MAPT: variants seen among roughly 807,000 people sequenced by gnomAD.
The protein encoded by MAPT is microtubule-associated protein tau.
A neutral mutation model predicts 67.9 loss-of-function variants in MAPT; 34 were observed. That is an observed-to-expected ratio of 0.50 (90% CI 0.38 to 0.67). The LOEUF is 0.67. MAPT is among the 30% of genes least tolerant of loss of function. The pLI is 0.00. For missense variants in MAPT, 881 were observed against 1,115.2 expected, an observed-to-expected ratio of 0.79 and a Z score of 2.99; for synonymous variants, 456 against 464.5, an observed-to-expected ratio of 0.98 and a Z score of 0.23.
chr17:45,943,695 C>A (rs79115768), intron 1 of MAPT, among the ~76,000 whole-genome samples: 1 of 152,082 alleles, frequency 6.6e-6, no homozygotes, highest in East Asian at 1.9e-4. Context: ...GGGTGCATTA[C>A]CCGAAAGCTG....
At chr17:45,941,155 C>T (rs1412262573) in intron 1 of MAPT, among the ~76,000 whole-genome samples, 2 of 152,176 alleles carry the variant, frequency 1.3e-5, no homozygotes, top group Non-Finnish European at 1.5e-5. Context: ...ACAACTCCTA[C>T]CTACGGGAAA....
At chr17:45,907,692 A>G (rs1426077182) in intron 1 of MAPT, 1 of 152,258 alleles carries the variant, frequency 6.6e-6, no homozygotes, top group Non-Finnish European at 1.5e-5. Context: ...GAAACATTCT[A>G]TAATCGTTCC....
At chr17:45,928,314 C>T (rs2066545195) in intron 1 of MAPT, among the ~76,000 whole-genome samples, 1 of 152,130 alleles carries the variant, frequency 6.6e-6, no homozygotes, top group South Asian at 2.1e-4. Flanking sequence ...TTTCCTATCC[C>T]CTCCCTTTCA....
At chr17:45,920,653 G>A (rs2065620630) in intron 1 of MAPT, among the ~76,000 whole-genome samples, 1 of 152,200 alleles carries the variant, frequency 6.6e-6, no homozygotes, top group Non-Finnish European at 1.5e-5. Flanking sequence ...ACTCTGACAA[G>A]GTCTGGGGTG....
chr17:46,007,479 C>T (rs909742458), intron 9 of MAPT, among the ~76,000 whole-genome samples: 5 of 151,842 alleles, frequency 3.3e-5, no homozygotes, highest in African/African-American at 1.2e-4. Context: ...AGAGTGAGAG[C>T]TTGTCTCTAT....
rs62063848 is a variant in MAPT at position 45,995,104 on chromosome 17, T to C, written c.1733-1295T>C. Among the ~76,000 whole-genome samples the C allele has an allele frequency of 0.012, 1,787 of 152,228 alleles. 19 individuals carry two copies. Among genetic ancestry groups the C allele is most frequent in the Non-Finnish European group, 0.018 (1,240 of 68,006 alleles). On this transcript the variant is annotated intron_variant, in intron 8 of 12. Coordinates refer to ENST00000262410, the MANE Select transcript of MAPT (RefSeq NM_001377265.1). This position sits in a 1 kb window ranked among gnomAD's most constrained non-coding sequence, Gnocchi z 4.3. ...ACAAAAGAAAACTAGTGCTTATTCG[T>C]CACTGGCCAAGCTGCCCATTGGCTA...
chr17:46,024,547 G>A lies in MAPT; in HGVS notation c.*376G>A, dbSNP rs919139325. 50 of 361,268 alleles carry A rather than the reference G, an allele frequency of 1.4e-4. No homozygotes were observed. The highest frequency in any genetic ancestry group is 1.0e-3 in the African/African-American group (49 of 47,666). The allele number at this position is 361,268 out of a possible 1,614,324, so 22.4% of individuals were successfully genotyped here. ...AAGCTGCTTCTGGGGGATTTCAAGG[G>A]ACTGGGGGTGCCAACCACCTCTGGC... On this transcript the variant is annotated 3_prime_UTR_variant, in exon 13 of 13. Transcript: ENST00000262410.
chr17:45,929,114 A>C (rs1055497234), intron 1 of MAPT, among the ~76,000 whole-genome samples: 3 of 152,216 alleles, frequency 2.0e-5, no homozygotes, highest in East Asian at 1.9e-4. Flanking sequence ...AATAAACCCC[A>C]AAAAATTAAT....
In MAPT at chr17:46,027,044, TCTC is replaced by T. The variant is rs35654420; in HGVS notation, c.*2876_*2878del. 21,756 of 152,134 alleles carry T rather than the reference TCTC, an allele frequency of 0.14. 2,116 individuals carry two copies. Among genetic ancestry groups the T allele is most frequent in the Non-Finnish European group, 0.22 (14,724 of 67,976 alleles). The allele number at this position is 152,134 out of a possible 1,614,324, so 9.4% of individuals were successfully genotyped here. A position where few individuals can be genotyped will look rare whatever the true frequency, so the allele number is the denominator to read the frequency against. ...CTGCCGTTCGCTGAGTCCCAGCAATTCTCCTAAGTTGAAGGGATCTGAGAAGGA... is the reference window on the plus strand; with the variant it reads ...CTGCCGTTCGCTGAGTCCCAGCAATTCTAAGTTGAAGGGATCTGAGAAGGA... On this transcript the variant is annotated 3_prime_UTR_variant, in exon 13 of 13. Coordinates refer to ENST00000262410, the MANE Select transcript of MAPT (RefSeq NM_001377265.1).
At chr17:45,903,074 A>G (rs1210514083) in intron 1 of MAPT, among the ~76,000 whole-genome samples, 3 of 152,164 alleles carry the variant, frequency 2.0e-5, no homozygotes, top group Non-Finnish European at 4.4e-5. Context: ...CTGGGATAGC[A>G]AGGATATTAG....
intron 9 of MAPT, among the ~76,000 whole-genome samples, chr17:45,997,748 A>T (rs1443734646): frequency 6.6e-6 from 1 of 152,210 alleles, no homozygotes; most frequent in Non-Finnish European, 1.5e-5. Flanking sequence ...CAACAGAGCG[A>T]GACTCTGTCT....
chr17:45,978,203 T>C lies in MAPT; in HGVS notation c.221-172T>C, dbSNP rs879220204. ...GTTTAGTGAACTTTTATCACCAGCA[T>C]CCTCAGCAATGACATTTGCAGAGAA... On this transcript the variant is annotated intron_variant, in intron 3 of 12. Transcript: ENST00000262410. The C allele has an allele frequency of 4.3e-5, 29 of 671,000 alleles. 1 individual carries two copies. Among genetic ancestry groups the C allele is most frequent in the South Asian group, 3.0e-4 (18 of 60,454 alleles). The allele number at this position is 671,000 out of a possible 1,614,324, so 41.6% of individuals were successfully genotyped here.
At chr17:45,924,382 G>A (rs1042985287) in intron 1 of MAPT, among the ~76,000 whole-genome samples, 6 of 152,276 alleles carry the variant, frequency 3.9e-5, no homozygotes, top group Non-Finnish European at 7.3e-5. Flanking sequence ...GACAGGGAGT[G>A]CAGGAGTGCG....
chr17:45,951,013 AATAAACCAATG>A (rs1217774703), intron 1 of MAPT, among the ~76,000 whole-genome samples: 1 of 152,214 alleles, frequency 6.6e-6, no homozygotes, highest in African/African-American at 2.4e-5. Flanking sequence ...TGGATGAATG[AATAAACCAATG>A]TGGACTATCC....
chr17:45,928,266 G>C (rs1191486915), intron 1 of MAPT, among the ~76,000 whole-genome samples: 1 of 152,154 alleles, frequency 6.6e-6, no homozygotes, highest in Admixed American at 6.5e-5. Context: ...ACAGTTTTCT[G>C]TTGGGGCCTT....
intron 11 of MAPT, 70 bp from the exon 12 acceptor site, chr17:46,018,548 G>A: frequency 8.7e-7 from 1 of 1,154,054 alleles, no homozygotes; most frequent in Non-Finnish European, 1.3e-6. Context: ...CAGACCTCAT[G>A]TAATGTATGT....
intron 9 of MAPT, among the ~76,000 whole-genome samples, chr17:45,998,837 C>T (rs577806930): frequency 1.5e-4 from 23 of 152,300 alleles, no homozygotes; most frequent in Middle Eastern, 3.4e-3. Context: ...TTGGGACCAC[C>T]GTGACTTTCA....
At chr17:45,928,994 C>T (rs755005242) in intron 1 of MAPT, among the ~76,000 whole-genome samples, 11 of 152,090 alleles carry the variant, frequency 7.2e-5, no homozygotes, top group Middle Eastern at 3.4e-3. Context: ...CCACTGCACC[C>T]GGCCATCAGT....
intron 9 of MAPT, among the ~76,000 whole-genome samples, chr17:45,998,775 A>C (rs1419508656): frequency 6.6e-6 from 1 of 151,960 alleles, no homozygotes; most frequent in Non-Finnish European, 1.5e-5. Flanking sequence ...CCTCGTCTCC[A>C]GACTTTCCAG....
Sources: gnomAD v4.1 joint callset for allele counts (sites outside exome capture counted in the v4.1 genomes callset) on GRCh38, gnomAD v4.1.1 for gene constraint, Gnocchi (gnomAD v3.1) non-coding constraint, MANE v1.5 for transcripts, NCBI Gene and HGNC (gene_info 2026-07-23, HGNC 2026-07-21) for gene names.